COL4A3: variants seen among roughly 807,000 people sequenced by gnomAD.
COL4A3 encodes the protein collagen type IV alpha 3 chain.
COL4A3 carries 135 observed loss-of-function variants against 217.4 expected under a neutral mutation model. That is an observed-to-expected ratio of 0.62 (90% CI 0.54 to 0.72). The LOEUF (loss-of-function observed/expected upper bound fraction) is 0.72, where lower values mean the gene tolerates loss of function less well. COL4A3 is among the 30% of genes least tolerant of loss of function. The pLI is 0.00. For missense variants in COL4A3, 1,868 were observed against 2,119.9 expected (o/e 0.88, Z 2.33); for synonymous variants, 690 against 736.3 (o/e 0.94, Z 1.02).
chr2:227,238,201 T>C (rs775990542), intron 2 of COL4A3, 177 bp downstream of exon 2: 1 of 503,204 alleles, frequency 2.0e-6, no homozygotes, highest in East Asian at 3.4e-5. Flanking sequence ...AAAAAAGTCA[T>C]CTAGGAAGCT....
chr2:227,194,442 T>C (rs544996607), intron 1 of COL4A3, among the ~76,000 whole-genome samples: 28 of 152,142 alleles, frequency 1.8e-4, no homozygotes, highest in African/African-American at 5.8e-4. Context: ...GCCAGGAAAG[T>C]AGAGGCCCTG....
At chr2:227,222,768 G>A (rs533003930) in intron 1 of COL4A3, among the ~76,000 whole-genome samples, 1 of 152,246 alleles carries the variant, frequency 6.6e-6, no homozygotes, top group African/African-American at 2.4e-5. Flanking sequence ...AAACCATGTG[G>A]AAAAGCACAG....
At position 227,290,205 on chromosome 2, in the gene COL4A3, T is replaced by C. The variant is rs538760160; in HGVS notation, c.3070+117T>C. 1,802 of 1,015,868 alleles carry C rather than the reference T, an allele frequency of 1.8e-3. 11 individuals carry two copies. The Middle Eastern group carries it at 0.019, about 10-fold the overall frequency. The allele number at this position is 1,015,868 out of a possible 1,614,324, so 62.9% of individuals were successfully genotyped here. On this transcript the variant is annotated intron_variant, in intron 36 of 51. Coordinates refer to ENST00000396578, the MANE Select transcript of COL4A3 (RefSeq NM_000091.5). ...TGGTAGAAAGCTTATATTAAAAAAC[T>C]AGATTTGCGGGGCCGGGCACGGTGG... is the stretch of plus-strand genomic sequence containing the variant.
intron 34 of COL4A3, among the ~76,000 whole-genome samples, chr2:227,288,678 G>A (rs547892839): frequency 6.6e-6 from 1 of 152,120 alleles, no homozygotes; most frequent in East Asian, 1.9e-4. Flanking sequence ...TATTTAGGCT[G>A]CTAATTCTTA....
At chr2:227,304,955 A>C (rs1416380532) in intron 46 of COL4A3, 30 bp from the exon 47 acceptor site, 1 of 1,577,568 alleles carries the variant, frequency 6.3e-7, no homozygotes, top group Non-Finnish European at 8.7e-7. Context: ...CTATATGATA[A>C]AATGCAATAC....
intron 1 of COL4A3, among the ~76,000 whole-genome samples, chr2:227,207,642 C>A (rs769955781): frequency 6.6e-6 from 1 of 152,178 alleles, no homozygotes; most frequent in Non-Finnish European, 1.5e-5. Context: ...GGTTCACATA[C>A]GCACTTTGGT....
intron 1 of COL4A3, among the ~76,000 whole-genome samples, chr2:227,235,355 TG>T (rs2068632987): frequency 6.6e-6 from 1 of 152,172 alleles, no homozygotes. Context: ...CCCAAATATC[TG>T]GGAGGAAAAT....
At chr2:227,264,332 TC>T (rs2070765466) in intron 21 of COL4A3, among the ~76,000 whole-genome samples, 1 of 151,876 alleles carries the variant, frequency 6.6e-6, no homozygotes, top group Admixed American at 6.6e-5. Flanking sequence ...GTCAAAGATT[TC>T]CCCCCAAGAG....
intron 19 of COL4A3, 163 bp downstream of exon 19, chr2:227,260,040 T>A (rs368657129): frequency 1.3e-6 from 1 of 758,242 alleles, no homozygotes; most frequent in South Asian, 1.4e-5. Flanking sequence ...CTGCTCTTCA[T>A]ATTTTTATTT....
intron 1 of COL4A3, among the ~76,000 whole-genome samples, chr2:227,179,181 G>A (rs1004718458): frequency 1.3e-5 from 2 of 151,096 alleles, no homozygotes; most frequent in African/African-American, 4.9e-5. Flanking sequence ...GAACTCATGG[G>A]CTCAAGTGAT....
rs1262245295 is a variant in COL4A3 at position 227,164,759 on chromosome 2, G to T, written c.33G>T (p.Val11=). The part of the protein sequence containing the change: MSARTAPRPQ[V]LLLPLLLVLL... The stretch of plus-strand genomic sequence containing the variant: ...CCCGGACCGCCCCCAGGCCGCAGGT[G>T]CTCCTGCTGCCGCTCCTGCTGGTGC... Residue 11 remains valine, a synonymous_variant, in exon 1 of 52, where the codon GTG becomes GTT. Transcript: ENST00000396578. This position sits in a 1 kb window ranked among gnomAD's most constrained non-coding sequence, Gnocchi z 4.8. 6.6e-7 allele frequency: 1 copy of T among 1,524,012 alleles called. No homozygotes were observed. Among genetic ancestry groups the T allele is most frequent in the Non-Finnish European group, 8.7e-7 (1 of 1,143,048 alleles). 94.4% of individuals were successfully genotyped at this position (1,524,012 alleles called of 1,614,324 possible).
In COL4A3 at chr2:227,308,051, C is replaced by A. The variant is rs922533794; in HGVS notation, c.4462+132C>A. 1.6e-5 allele frequency: 13 copies of A among 809,932 alleles called. No homozygotes were observed. The African/African-American group carries it at 2.2e-4, about 14-fold the overall frequency. The allele number at this position is 809,932 out of a possible 1,614,324, so 50.2% of individuals were successfully genotyped here. On this transcript the variant is annotated intron_variant, in intron 48 of 51. Transcript: ENST00000396578. ...GTCTCCTGATACATTTTAAAGAGAG[C>A]AAATAAAACACTGGCCTGTCTAATT...
intron 1 of COL4A3, among the ~76,000 whole-genome samples, chr2:227,184,667 CT>C (rs1321448991): frequency 6.6e-6 from 1 of 152,002 alleles, no homozygotes; most frequent in South Asian, 2.1e-4. Context: ...TATTACTTTA[CT>C]GTTTCAAATT....
chr2:227,196,091 A>G (rs1419435698), intron 1 of COL4A3, among the ~76,000 whole-genome samples: 1 of 152,132 alleles, frequency 6.6e-6, no homozygotes, highest in Non-Finnish European at 1.5e-5. Flanking sequence ...TTTATAAAGT[A>G]AAAAAGTTAT....
chr2:227,311,026 C>A, intron 51 of COL4A3, 78 bp downstream of exon 51: 4 of 1,507,256 alleles, frequency 2.7e-6, no homozygotes, highest in Non-Finnish European at 3.7e-6. Context: ...CTTGGGTCAA[C>A]GAGTAGCCAT....
intron 37 of COL4A3, among the ~76,000 whole-genome samples, chr2:227,291,287 G>C (rs544779513): frequency 1.2e-3 from 176 of 152,134 alleles, no homozygotes; most frequent in Non-Finnish European, 2.1e-3. Flanking sequence ...TTGTCGGCCG[G>C]GCGCGGTGGC....
At chr2:227,240,313 A>C (rs1268816748) in intron 3 of COL4A3, 81 bp downstream of exon 3, 27 of 1,326,524 alleles carry the variant, frequency 2.0e-5, no homozygotes, top group Non-Finnish European at 2.8e-5. Flanking sequence ...GCAAACCTGG[A>C]GAGAATTCCA....
intron 1 of COL4A3, among the ~76,000 whole-genome samples, chr2:227,190,600 T>G (rs936375155): frequency 6.6e-6 from 1 of 152,228 alleles, no homozygotes; most frequent in Non-Finnish European, 1.5e-5. Context: ...CAAAGTGTAT[T>G]AATTATTTTC....
chr2:227,283,979 T>G, intron 33 of COL4A3, 123 bp downstream of exon 33: 1 of 1,041,456 alleles, frequency 9.6e-7, no homozygotes, highest in Non-Finnish European at 1.5e-6. Flanking sequence ...AGTATTTGAT[T>G]TTGCTGTTTT....
Sources: allele counts gnomAD v4.1 joint callset (sites outside exome capture counted in the v4.1 genomes callset), GRCh38; gene constraint gnomAD v4.1.1; non-coding constraint Gnocchi (gnomAD v3.1); transcripts MANE v1.5; gene names NCBI Gene and HGNC (gene_info 2026-07-23, HGNC 2026-07-21).